ANXA3: variants seen among roughly 807,000 people sequenced by gnomAD.
ANXA3 encodes 35-alpha calcimedin.
ANXA3 carries 46 observed loss-of-function variants against 48.8 expected under a neutral mutation model. The ratio of observed to expected loss-of-function variants is 0.94; its 90% CI spans 0.74 to 1.21. The LOEUF is 1.21. ANXA3 is among the 50% of genes most tolerant of loss of function. The pLI, the probability that ANXA3 is intolerant of heterozygous loss-of-function variation, is 0.00. For missense variants in ANXA3, 383 were observed against 378.6 expected, an observed-to-expected ratio of 1.01 and a Z score of -0.10; for synonymous variants, 128 against 134.7, an observed-to-expected ratio of 0.95 and a Z score of 0.35.
intron 2 of ANXA3, among the ~76,000 whole-genome samples, chr4:78,556,642 C>A (rs933797562): frequency 7.2e-5 from 11 of 152,064 alleles, no homozygotes; most frequent in African/African-American, 2.4e-4. Flanking sequence ...CTTTGTTTGG[C>A]CCAAGTTACT....
chr4:78,569,677 T>C (rs559707356), intron 2 of ANXA3, among the ~76,000 whole-genome samples: 2 of 152,344 alleles, frequency 1.3e-5, no homozygotes, highest in Non-Finnish European at 2.9e-5. Context: ...AACACTGGGG[T>C]TGGGCCTGAG....
At chr4:78,569,943 T>C (rs939369303) in intron 2 of ANXA3, among the ~76,000 whole-genome samples, 1 of 152,232 alleles carries the variant, frequency 6.6e-6, no homozygotes, top group Non-Finnish European at 1.5e-5. Flanking sequence ...ATGAAGGCTC[T>C]TGTAAGAGTT....
chr4:78,575,655 G>T (rs913860305), intron 3 of ANXA3, among the ~76,000 whole-genome samples: 1 of 152,148 alleles, frequency 6.6e-6, no homozygotes, highest in Non-Finnish European at 1.5e-5. Context: ...CCAGGCTAGG[G>T]TATGTCTTTA....
intron 10 of ANXA3, among the ~76,000 whole-genome samples, chr4:78,598,708 G>A (rs1409552185): frequency 1.3e-5 from 2 of 151,586 alleles, no homozygotes; most frequent in African/African-American, 2.4e-5. Flanking sequence ...CCTGGCTAAC[G>A]TTTGTATTTT....
At chr4:78,573,780 C>T (rs1232899210) in intron 3 of ANXA3, among the ~76,000 whole-genome samples, 1 of 152,112 alleles carries the variant, frequency 6.6e-6, no homozygotes, top group Non-Finnish European at 1.5e-5. Flanking sequence ...AGTGCCACCC[C>T]TTTTTACACC....
At chr4:78,586,152 T>A in intron 5 of ANXA3, 108 bp from the exon 6 acceptor site, 1 of 666,382 alleles carries the variant, frequency 1.5e-6, no homozygotes, top group Non-Finnish European at 2.5e-6. Flanking sequence ...CTTGTATTGA[T>A]TTACTTAAAA....
chr4:78,582,585 C>T (rs1220190628), intron 5 of ANXA3, among the ~76,000 whole-genome samples: 1 of 152,194 alleles, frequency 6.6e-6, no homozygotes, highest in Non-Finnish European at 1.5e-5. Context: ...AAGCTAAAAA[C>T]CTAGCATTAT....
intron 10 of ANXA3, among the ~76,000 whole-genome samples, chr4:78,600,344 A>G (rs928513783): frequency 7.2e-5 from 11 of 152,182 alleles, no homozygotes; most frequent in Admixed American, 7.2e-4. Context: ...GAACAAATCT[A>G]GTAGGTAAGA....
chr4:78,593,206 T>C (rs926989035), intron 7 of ANXA3, among the ~76,000 whole-genome samples: 1 of 152,032 alleles, frequency 6.6e-6, no homozygotes, highest in South Asian at 2.1e-4. Context: ...GAGGACTTTT[T>C]ATTTTTTCTT....
intron 2 of ANXA3, among the ~76,000 whole-genome samples, chr4:78,556,840 T>C (rs1446187297): frequency 6.6e-6 from 1 of 152,224 alleles, no homozygotes; most frequent in Admixed American, 6.5e-5. Flanking sequence ...GCTCTCCTGC[T>C]GACACCTTCA....
At chr4:78,607,684 A>T (rs1037551732) in intron 12 of ANXA3, among the ~76,000 whole-genome samples, 4 of 152,216 alleles carry the variant, frequency 2.6e-5, no homozygotes, top group Non-Finnish European at 5.9e-5. Flanking sequence ...TGAAGAAACA[A>T]TTAGAAGATA....
In ANXA3 at chr4:78,595,540, C is replaced by CTTT. The variant is rs112477936; in HGVS notation, c.540+114_540+116dup. 281 of 991,900 alleles carry CTTT rather than the reference C, an allele frequency of 2.8e-4. 2 individuals are homozygous for CTTT. In the African/African-American group the frequency reaches 4.0e-3, roughly 14 times the overall value. 61.4% of individuals were successfully genotyped at this position (991,900 alleles called of 1,614,324 possible). On this transcript the variant is annotated intron_variant, in intron 8 of 12. Transcript: ENST00000264908. ...AAAAATAGCAGCAACAGGGACTTTT[C>CTTT]TTTTTTTTTTTTTCCTGTTTGAAAG...
At chr4:78,559,234 C>T (rs1431270173) in intron 2 of ANXA3, among the ~76,000 whole-genome samples, 3 of 152,068 alleles carry the variant, frequency 2.0e-5, no homozygotes, top group Non-Finnish European at 4.4e-5. Flanking sequence ...CATGCCCCCA[C>T]CATGCCCAGC....
chr4:78,607,615 G>A (rs924745841), intron 12 of ANXA3, among the ~76,000 whole-genome samples: 80 of 152,206 alleles, frequency 5.3e-4, no homozygotes, highest in Non-Finnish European at 1.0e-3. Context: ...CTTTTTATGG[G>A]AAAATATAGT....
chr4:78,562,626 T>C (rs1722648950), intron 2 of ANXA3, among the ~76,000 whole-genome samples: 1 of 152,222 alleles, frequency 6.6e-6, no homozygotes, highest in South Asian at 2.1e-4. Context: ...ATGCCAGATA[T>C]TGGCTCTGGC....
chr4:78,595,828 C>A lies in ANXA3; in HGVS notation c.575C>A (p.Thr192Lys), dbSNP rs539172460. 2.2e-5 allele frequency: 36 copies of A among 1,611,852 alleles called. No individual in the cohort carries two copies. The highest frequency in any genetic ancestry group is 6.7e-5 in the Admixed American group (4 of 59,998). The change falls in exon 9 of 13, where the codon ACG becomes AAG. Residue 192 changes from threonine to lysine, a missense_variant. By Grantham distance (78) the Thr-to-Lys change is moderately conservative. Coordinates refer to ENST00000264908, the MANE Select transcript of ANXA3 (RefSeq NM_005139.3). ...LYKAGENRWG[T>K]DEDKFTEILC... ...AAAGCTGGTGAGAACAGATGGGGCA[C>A]GGATGAAGACAAATTCACTGAGATC... is the stretch of plus-strand genomic sequence containing the variant.
chr4:78,577,833 AAATT>A (rs1264312504), intron 3 of ANXA3, among the ~76,000 whole-genome samples: 1 of 152,148 alleles, frequency 6.6e-6, no homozygotes, highest in African/African-American at 2.4e-5. Flanking sequence ...GTGGGTTGGG[AAATT>A]AATTAGACAC....
intron 2 of ANXA3, among the ~76,000 whole-genome samples, chr4:78,555,852 T>TAA (rs58427168): frequency 1.3e-3 from 183 of 145,324 alleles, no homozygotes; most frequent in Middle Eastern, 3.5e-3. Context: ...CCCTATCTAT[T>TAA]AAAAAAAAAA....
chr4:78,601,590 G>T lies in ANXA3; in HGVS notation c.789+22G>T, dbSNP rs747122846. Reference sequence around the variant, plus strand: ...GAAGGTTGGTCTGGAAAGTTCATGTGCATTCTTAGCGTCCCTTAATTCCCT... The same window carrying T: ...GAAGGTTGGTCTGGAAAGTTCATGTTCATTCTTAGCGTCCCTTAATTCCCT... On this transcript the variant is annotated intron_variant, in intron 11 of 12. Coordinates refer to ENST00000264908, the MANE Select transcript of ANXA3 (RefSeq NM_005139.3). 3.7e-5 allele frequency: 60 copies of T among 1,607,938 alleles called. 5 individuals are homozygous for T. In the South Asian group the frequency reaches 6.6e-4, roughly 18 times the overall value.
Sources: gnomAD v4.1 joint callset for allele counts (sites outside exome capture counted in the v4.1 genomes callset) on GRCh38, gnomAD v4.1.1 for gene constraint, MANE v1.5 for transcripts, NCBI Gene and HGNC (gene_info 2026-07-23, HGNC 2026-07-21) for gene names.